Variants in TMEM238 observed in about 807,000 individuals in gnomAD.
TMEM238 encodes the protein transmembrane protein 238.
For synonymous variants in TMEM238, 103 were observed against 111.5 expected, an observed-to-expected ratio of 0.92 and a Z score of 0.48; for missense variants, 169 against 206.8, an observed-to-expected ratio of 0.82 and a Z score of 1.12.
At chr19:55,379,774 C>T (rs1437641852) in intron 1 of TMEM238, among the ~76,000 whole-genome samples, 1 of 151,982 alleles carries the variant, frequency 6.6e-6, no homozygotes, top group Non-Finnish European at 1.5e-5. Context: ...CATCTCAGAC[C>T]CTCACCCCAG....
chr19:55,383,908 TGCGCGCCAGGC>T lies in TMEM238; in HGVS notation c.341_351del (p.Arg114GlnfsTer?). The T allele has an allele frequency of 8.4e-7, 1 of 1,188,214 alleles. No individual in the cohort carries two copies. The highest frequency in any genetic ancestry group is 2.8e-5 in the South Asian group (1 of 36,164). The allele number at this position is 1,188,214 out of a possible 1,614,324, so 73.6% of individuals were successfully genotyped here. A position where few individuals can be genotyped will look rare whatever the true frequency, so the allele number is the denominator to read the frequency against. ...GGCGCCGACCAGCGGCGGGAGAGCT[TGCGCGCCAGGC>T]GGGCGAGCGCCGAGGGCCGCAGGCC... On this transcript the variant is annotated frameshift_variant, in exon 1 of 2. Transcript: ENST00000444469. LOFTEE classifies it low-confidence loss of function (END_TRUNC). The surrounding 1 kb of genome is among the most constrained non-coding windows in gnomAD (Gnocchi z 4.9).
At chr19:55,381,216 T>G (rs149946561) in intron 1 of TMEM238, among the ~76,000 whole-genome samples, 7,442 of 151,756 alleles carry the variant, frequency 0.049, 244 homozygotes, top group Middle Eastern at 0.086. Context: ...ATCGGGAGTT[T>G]GAGACCAGCC....
intron 1 of TMEM238, among the ~76,000 whole-genome samples, chr19:55,380,627 G>A (rs1311353894): frequency 6.6e-6 from 1 of 151,258 alleles, no homozygotes; most frequent in African/African-American, 2.4e-5. Flanking sequence ...GTTTCACCAT[G>A]GTTGCCAGGT....
chr19:55,383,971 A>T lies in TMEM238; in HGVS notation c.289T>A (p.Ser97Thr). The change falls in exon 1 of 2, where the codon TCG becomes ACG. Residue 97 changes from serine (S) to threonine (T), a missense_variant. Physicochemically the swap from Ser to Thr is moderately conservative, Grantham distance 58 (BLOSUM62 1). Transcript: ENST00000444469. The surrounding 1 kb of genome is among the most constrained non-coding windows in gnomAD (Gnocchi z 4.9). ...TAGTCGCGCTCCAGCTCCTGGCGCG[A>T]GATCTCGATGTTGCCGGTGTACCAG... The part of the protein sequence containing the change: ...ILWYTGNIEI[S>T]RQELERDYGL... 7.1e-7 allele frequency: 1 copy of T among 1,406,674 alleles called. No individual in the cohort carries two copies. Among genetic ancestry groups the T allele is most frequent in the Non-Finnish European group, 9.3e-7 (1 of 1,070,302 alleles). 87.1% of individuals were successfully genotyped at this position (1,406,674 alleles called of 1,614,324 possible).
At chr19:55,380,325 T>TCCCCCTC (rs2089881006) in intron 1 of TMEM238, among the ~76,000 whole-genome samples, 1 of 22,592 alleles carries the variant, frequency 4.4e-5, no homozygotes, top group African/African-American at 2.1e-4. Flanking sequence ...GCCCGTCCCC[T>TCCCCCTC]CCCCCTTCCC....
chr19:55,381,405 T>C (rs1199977779), intron 1 of TMEM238, among the ~76,000 whole-genome samples: 1 of 112,682 alleles, frequency 8.9e-6, no homozygotes, highest in African/African-American at 3.9e-5. Flanking sequence ...ACAACAAGAG[T>C]GTAACTCCAT....
intron 1 of TMEM238, among the ~76,000 whole-genome samples, chr19:55,381,444 GTTAA>G (rs1367367510): frequency 4.2e-5 from 5 of 119,210 alleles, no homozygotes; most frequent in African/African-American, 1.5e-4. Flanking sequence ...AAAAAAAAAA[GTTAA>G]TTATTTACCT....
Position 55,383,649 on chromosome 19 carries a change from TC to T in TMEM238, c.*7+72del. On this transcript the variant is annotated intron_variant, in intron 1 of 1. Transcript: ENST00000444469. This position sits in a 1 kb window ranked among gnomAD's most constrained non-coding sequence, Gnocchi z 4.9. ...CTCTCTGTCTCCATCTGTCCATCGC[TC>T]CCCCGTCTGTCTCCATTCCCGTCCC... 3 of 191,194 alleles carry T rather than the reference TC, an allele frequency of 1.6e-5. No individual in the cohort carries two copies. Among genetic ancestry groups the T allele is most frequent in the East Asian group, 9.9e-5 (1 of 10,134 alleles). The allele number at this position is 191,194 out of a possible 1,614,324, so 11.8% of individuals were successfully genotyped here. A position where few individuals can be genotyped will look rare whatever the true frequency, so the allele number is the denominator to read the frequency against.
At chr19:55,381,934 C>T (rs747544273) in intron 1 of TMEM238, among the ~76,000 whole-genome samples, 7 of 152,134 alleles carry the variant, frequency 4.6e-5, no homozygotes, top group Non-Finnish European at 8.8e-5. Flanking sequence ...CAATTCACCA[C>T]CTACCCATAT....
At chr19:55,379,865 G>A (rs1569036670) in intron 1 of TMEM238, among the ~76,000 whole-genome samples, 1 of 151,946 alleles carries the variant, frequency 6.6e-6, no homozygotes, top group East Asian at 1.9e-4. Flanking sequence ...CCCCGTCTCT[G>A]GTACCTGTAG....
intron 1 of TMEM238, among the ~76,000 whole-genome samples, chr19:55,379,607 G>C (rs985109519): frequency 2.0e-5 from 3 of 152,094 alleles, no homozygotes; most frequent in African/African-American, 4.8e-5. Flanking sequence ...GCCAGGGAGA[G>C]GCAGAAAGGG....
intron 1 of TMEM238, among the ~76,000 whole-genome samples, chr19:55,381,530 C>T (rs1046036523): frequency 6.6e-6 from 1 of 151,890 alleles, no homozygotes; most frequent in Non-Finnish European, 1.5e-5. Context: ...AATTCAGTCA[C>T]CCAACCATCC....
chr19:55,380,222 CTGTGCAGCTG>C (rs200375565), intron 1 of TMEM238, among the ~76,000 whole-genome samples: 8,115 of 150,118 alleles, frequency 0.054, 335 homozygotes, highest in African/African-American at 0.1. Flanking sequence ...GAGTGGAGGC[CTGTGCAGCTG>C]TGTTAGACGT....
chr19:55,382,718 A>G (rs2089891269), intron 1 of TMEM238, among the ~76,000 whole-genome samples: 1 of 152,200 alleles, frequency 6.6e-6, no homozygotes, highest in Non-Finnish European at 1.5e-5. Flanking sequence ...AGGGAGCCAC[A>G]GCAGGTCTTT....
Position 55,383,996 on chromosome 19 carries a change from G to A in TMEM238, c.264C>T (p.Leu88=). 6.9e-7 allele frequency: 1 copy of A among 1,448,650 alleles called. No individual in the cohort carries two copies. The highest frequency in any genetic ancestry group is 9.1e-7 in the Non-Finnish European group (1 of 1,095,080). The allele number at this position is 1,448,650 out of a possible 1,614,324, so 89.7% of individuals were successfully genotyped here. A position where few individuals can be genotyped will look rare whatever the true frequency, so the allele number is the denominator to read the frequency against. The change falls in exon 1 of 2, where the codon CTC becomes CTT. Residue 88 remains leucine, a synonymous_variant. Coordinates refer to ENST00000444469, the MANE Select transcript of TMEM238 (RefSeq NM_001190764.2). This position sits in a 1 kb window ranked among gnomAD's most constrained non-coding sequence, Gnocchi z 4.9. The part of the protein sequence containing the change: ...LVFLSLLGWI[L]WYTGNIEISR... The stretch of plus-strand genomic sequence containing the variant: ...AGATCTCGATGTTGCCGGTGTACCA[G>A]AGGATCCAGCCCAGCAGGCTCAGGA...
intron 1 of TMEM238, among the ~76,000 whole-genome samples, chr19:55,382,930 T>G (rs1459094886): frequency 6.6e-6 from 1 of 152,226 alleles, no homozygotes; most frequent in Non-Finnish European, 1.5e-5. Flanking sequence ...CCTCTTTTCC[T>G]AGGCCTACAG....
At chr19:55,379,981 T>C (rs756373596) in intron 1 of TMEM238, among the ~76,000 whole-genome samples, 3 of 148,630 alleles carry the variant, frequency 2.0e-5, no homozygotes. Context: ...AACAACAGAG[T>C]GATGGGGGTG....
rs1030766641 is a variant in TMEM238 at position 55,383,814 on chromosome 19, G to T, written c.446C>A (p.Pro149Gln). The change falls in exon 1 of 2, where the codon CCG (proline) becomes CAG (glutamine). Residue 149 changes from proline to glutamine, a missense_variant. By Grantham distance (76) the Pro-to-Gln change is moderately conservative. Transcript: ENST00000444469. The surrounding 1 kb of genome is among the most constrained non-coding windows in gnomAD (Gnocchi z 4.9). The part of the protein sequence containing the change: ...RARRAARAPP[P>Q]PAAGSRRVRL... ...CACGCGGCGGGAGCCGGCGGCGGGC[G>T]GCGGGGGCGCGCGGGCGGCTCGGCG... 7 of 456,684 alleles carry T rather than the reference G, an allele frequency of 1.5e-5. No individual in the cohort carries two copies. The highest frequency in any genetic ancestry group is 2.0e-5 in the Non-Finnish European group (7 of 350,068). 28.3% of individuals were successfully genotyped at this position (456,684 alleles called of 1,614,324 possible).
intron 1 of TMEM238, among the ~76,000 whole-genome samples, chr19:55,380,561 A>G (rs979884594): frequency 6.7e-6 from 1 of 148,918 alleles, no homozygotes; most frequent in Non-Finnish European, 1.5e-5. Context: ...AGTAGCTGGG[A>G]TTACAGGCGT....
Sources: allele counts gnomAD v4.1 joint callset (sites outside exome capture counted in the v4.1 genomes callset), GRCh38; gene constraint gnomAD v4.1.1; non-coding constraint Gnocchi (gnomAD v3.1); transcripts MANE v1.5; gene names NCBI Gene and HGNC (gene_info 2026-07-23, HGNC 2026-07-21).